Variants in PRR7 observed in about 807,000 individuals in gnomAD.
PRR7 encodes the protein proline rich 7, synaptic.
A neutral mutation model predicts 18.5 loss-of-function variants in PRR7; 8 were observed. The ratio of observed to expected loss-of-function variants is 0.43; its 90% CI spans 0.25 to 0.78. The LOEUF (loss-of-function observed/expected upper bound fraction) is 0.78, where lower values mean the gene tolerates loss of function less well. PRR7 is among the 30% of genes least tolerant of loss of function. The probability of loss-of-function intolerance (pLI) is 0.22; values close to 1 mark genes in which losing one functional copy is unlikely to be tolerated. For synonymous variants in PRR7, 221 were observed against 187.7 expected (o/e 1.18, Z -1.45); for missense variants, 396 against 403.1 (o/e 0.98, Z 0.15).
chr5:177,455,524 C>A lies in PRR7; in HGVS notation c.427+30C>A, dbSNP rs770836625. On this transcript the variant is annotated intron_variant, in intron 3 of 3. Coordinates refer to ENST00000323249, the MANE Select transcript of PRR7 (RefSeq NM_030567.5). This position sits in a 1 kb window ranked among gnomAD's most constrained non-coding sequence, Gnocchi z 6.9. Reference sequence around the variant, plus strand: ...GTACCGACCTCCGCCAGGGGGCGATCCGGGCCGCCGGAAGTGGGCGGGCGT... The same window carrying A: ...GTACCGACCTCCGCCAGGGGGCGATACGGGCCGCCGGAAGTGGGCGGGCGT... The A allele has an allele frequency of 9.7e-6, 14 of 1,450,196 alleles. No homozygotes were observed. The highest frequency in any genetic ancestry group is 1.3e-5 in the Non-Finnish European group (14 of 1,112,192). 89.8% of individuals were successfully genotyped at this position (1,450,196 alleles called of 1,614,324 possible).
At chr5:177,451,169 G>A (rs910959323) in intron 1 of PRR7, among the ~76,000 whole-genome samples, 1 of 152,240 alleles carries the variant, frequency 6.6e-6, no homozygotes, top group African/African-American at 2.4e-5. Flanking sequence ...GCAGATCTTT[G>A]GTGCTTTGGC....
chr5:177,450,312 C>A lies in PRR7; in HGVS notation c.-325+3352C>A, dbSNP rs770904438. 6.6e-6 allele frequency among the ~76,000 whole-genome samples: 1 copy of A among 152,186 alleles called. No individual in the cohort carries two copies. Among genetic ancestry groups the A allele is most frequent in the South Asian group, 2.1e-4 (1 of 4,828 alleles). On this transcript the variant is annotated intron_variant, in intron 1 of 3. Coordinates refer to ENST00000323249, the MANE Select transcript of PRR7 (RefSeq NM_030567.5). The surrounding 1 kb of genome is among the most constrained non-coding windows in gnomAD (Gnocchi z 6.6). The stretch of plus-strand genomic sequence containing the variant: ...CCTGCTGCCCGGGATTTTCCATCCC[C>A]ACCCCCCAGAGCCCTGGTGTGTGCC...
rs1756392012 is a variant in PRR7 at position 177,455,663 on chromosome 5, G to A, written c.428-61G>A. ...GGGGCGCGGGCGGCCCCTGGCCGGG[G>A]CCTCTGCGAGAGGCTGGGAACCGGC... is the stretch of plus-strand genomic sequence containing the variant. On this transcript the variant is annotated intron_variant, in intron 3 of 3. Coordinates refer to ENST00000323249, the MANE Select transcript of PRR7 (RefSeq NM_030567.5). This position sits in a 1 kb window ranked among gnomAD's most constrained non-coding sequence, Gnocchi z 6.9. 25 of 1,461,574 alleles carry A rather than the reference G, an allele frequency of 1.7e-5. No individual in the cohort carries two copies. Among genetic ancestry groups the A allele is most frequent in the East Asian group, 2.6e-5 (1 of 39,040 alleles). 90.5% of individuals were successfully genotyped at this position (1,461,574 alleles called of 1,614,324 possible).
Position 177,455,171 on chromosome 5 carries a change from G to A in PRR7, c.104G>A (p.Arg35His), listed in dbSNP as rs1756348773. Residue 35 changes from arginine to histidine, a missense_variant, in exon 3 of 4, where the codon CGC becomes CAC. Physicochemically the swap from Arg to His is conservative, Grantham distance 29 (BLOSUM62 0). Coordinates refer to ENST00000323249, the MANE Select transcript of PRR7 (RefSeq NM_030567.5). This position sits in a 1 kb window ranked among gnomAD's most constrained non-coding sequence, Gnocchi z 6.9. Reference protein sequence around the residue: ...VLLCCFCSFLRRRLKRRQEER... With the variant: ...VLLCCFCSFLHRRLKRRQEER... ...CTCTGCTGCTTCTGCAGCTTCCTGCGCCGCCGCCTCAAACGGCGCCAGGAG... is the reference window on the plus strand; with the variant it reads ...CTCTGCTGCTTCTGCAGCTTCCTGCACCGCCGCCTCAAACGGCGCCAGGAG... 2 of 1,574,778 alleles carry A rather than the reference G, an allele frequency of 1.3e-6. No homozygotes were observed. Among genetic ancestry groups the A allele is most frequent in the South Asian group, 2.3e-5 (2 of 87,200 alleles).
intron 1 of PRR7, among the ~76,000 whole-genome samples, chr5:177,451,184 A>G (rs1438124812): frequency 1.3e-5 from 2 of 152,244 alleles, no homozygotes; most frequent in African/African-American, 2.4e-5. Flanking sequence ...TTTGGCCTGT[A>G]AGGCTGAAGT....
At position 177,455,992 on chromosome 5, in the gene PRR7, G is replaced by T; in HGVS notation, c.696G>T (p.Gln232His). ...CGCCCTGCCCAGCCCTCTGCCTGCA[G>T]GCCGACCGTGGCCGCCGGGTCTTCC... ...PAPPCPALCL[Q>H]ADRGRRVFPS... Residue 232 changes from glutamine to histidine, a missense_variant, in exon 4 of 4, where the codon CAG (glutamine) becomes CAT (histidine). By Grantham distance (24) the Gln-to-His change is conservative. Coordinates refer to ENST00000323249, the MANE Select transcript of PRR7 (RefSeq NM_030567.5). This position sits in a 1 kb window ranked among gnomAD's most constrained non-coding sequence, Gnocchi z 6.9. 1 of 1,582,358 alleles carries T rather than the reference G, an allele frequency of 6.3e-7. No individual in the cohort carries two copies.
chr5:177,455,765 G>A lies in PRR7; in HGVS notation c.469G>A (p.Val157Met). 3.1e-6 allele frequency: 5 copies of A among 1,609,468 alleles called. No individual in the cohort carries two copies. Among genetic ancestry groups the A allele is most frequent in the Non-Finnish European group, 3.4e-6 (4 of 1,178,426 alleles). Residue 157 changes from valine (V) to methionine (M), a missense_variant, in exon 4 of 4, where the codon GTG (valine) becomes ATG (methionine). Physicochemically the swap from Val to Met is conservative, Grantham distance 21. Coordinates refer to ENST00000323249, the MANE Select transcript of PRR7 (RefSeq NM_030567.5). This position sits in a 1 kb window ranked among gnomAD's most constrained non-coding sequence, Gnocchi z 6.9. ...CAAACCACCGTGTTACGAAGAGGCG[G>A]TGCTGATGGCAGAGCCGCCGCCGCC... Reference protein sequence around the residue: ...MSKPPCYEEAVLMAEPPPPYS... With the variant: ...MSKPPCYEEAMLMAEPPPPYS...
Position 177,450,635 on chromosome 5 carries a change from G to A in PRR7, c.-324-3321G>A, listed in dbSNP as rs572383853. Among the ~76,000 whole-genome samples, 4 of 152,188 alleles carry A rather than the reference G, an allele frequency of 2.6e-5. No individual in the cohort carries two copies. Among genetic ancestry groups the A allele is most frequent in the African/African-American group, 9.7e-5 (4 of 41,422 alleles). ...GATGGTGCTCGGCCCTGGCCACCCC[G>A]GAACATCCTGGCATCATTGGGCTTC... On this transcript the variant is annotated intron_variant, in intron 1 of 3. Coordinates refer to ENST00000323249, the MANE Select transcript of PRR7 (RefSeq NM_030567.5). The surrounding 1 kb of genome is among the most constrained non-coding windows in gnomAD (Gnocchi z 6.6).
Position 177,454,952 on chromosome 5 carries a change from C to T in PRR7, c.-116C>T. ...GAGACCTGCCACGGGCAGCCCCCGG[C>T]CGCGGGTCCCCGAGTGACGCTGGCG... is the stretch of plus-strand genomic sequence containing the variant. On this transcript the variant is annotated 5_prime_UTR_variant, in exon 3 of 4. Coordinates refer to ENST00000323249, the MANE Select transcript of PRR7 (RefSeq NM_030567.5). This position sits in a 1 kb window ranked among gnomAD's most constrained non-coding sequence, Gnocchi z 4.7. 1 of 1,300,802 alleles carries T rather than the reference C, an allele frequency of 7.7e-7. No homozygotes were observed. The highest frequency in any genetic ancestry group is 9.8e-7 in the Non-Finnish European group (1 of 1,021,508). 80.6% of individuals were successfully genotyped at this position (1,300,802 alleles called of 1,614,324 possible).
rs1245509537 is a variant in PRR7 at position 177,455,352 on chromosome 5, C to A, written c.285C>A (p.His95Gln). ...EAPAHAHSHP[H>Q]VHVHPLLHHG... ...CGGCTCACGCGCACTCGCATCCGCA[C>A]GTGCACGTGCACCCGCTGCTGCACC... Residue 95 changes from histidine (H) to glutamine (Q), a missense_variant, in exon 3 of 4, where the codon CAC becomes CAA. His to Gln is a conservative substitution (Grantham distance 24). Coordinates refer to ENST00000323249, the MANE Select transcript of PRR7 (RefSeq NM_030567.5). The surrounding 1 kb of genome is among the most constrained non-coding windows in gnomAD (Gnocchi z 6.9). 1 of 1,493,074 alleles carries A rather than the reference C, an allele frequency of 6.7e-7. No individual in the cohort carries two copies. Among genetic ancestry groups the A allele is most frequent in the Non-Finnish European group, 8.9e-7 (1 of 1,129,336 alleles). The allele number at this position is 1,493,074 out of a possible 1,614,324, so 92.5% of individuals were successfully genotyped here.
At chr5:177,451,117 G>T (rs539406630) in intron 1 of PRR7, among the ~76,000 whole-genome samples, 15 of 152,328 alleles carry the variant, frequency 9.8e-5, no homozygotes, top group Admixed American at 9.8e-4. Flanking sequence ...TGCGGCGGAC[G>T]GAAGGAATGG....
rs1756100247 is a variant in PRR7, at chr5:177,449,819, G to A, written c.-325+2859G>A. ...GTTAGGTCATCTACCTGCAAGCAAG[G>A]GTGCTTGCCACTCAGTACCCTGGCC... On this transcript the variant is annotated intron_variant, in intron 1 of 3. Transcript: ENST00000323249. The surrounding 1 kb of genome is among the most constrained non-coding windows in gnomAD (Gnocchi z 4.2). Among the ~76,000 whole-genome samples the A allele has an allele frequency of 6.6e-6, 1 of 152,110 alleles. No individual in the cohort carries two copies. The highest frequency in any genetic ancestry group is 2.4e-5 in the African/African-American group (1 of 41,396).
upstream of PRR7, chr5:177,446,243 G>A (rs930241870): frequency 1.3e-5 from 2 of 152,316 alleles, no homozygotes; most frequent in Admixed American, 6.5e-5. This position sits in a 1 kb window ranked among gnomAD's most constrained non-coding sequence, Gnocchi z 5.3. Context: ...GCTGGGGTAG[G>A]GGGGAGGCAT....
Position 177,450,426 on chromosome 5 carries a change from G to T in PRR7, c.-325+3466G>T, listed in dbSNP as rs1336678569. On this transcript the variant is annotated intron_variant, in intron 1 of 3. Transcript: ENST00000323249. The surrounding 1 kb of genome is among the most constrained non-coding windows in gnomAD (Gnocchi z 6.6). ...CCTGCCAGGCGGGGGCTGGGTGATG[G>T]CTCTTCTCTGAGTGACGTTTTGGTG... Among the ~76,000 whole-genome samples, 1 of 152,186 alleles carries T rather than the reference G, an allele frequency of 6.6e-6. No homozygotes were observed. The highest frequency in any genetic ancestry group is 6.5e-5 in the Admixed American group (1 of 15,280).
At chr5:177,447,053 C>G (rs1403640413) in intron 1 of PRR7, 93 bp downstream of exon 1, 1 of 151,846 alleles carries the variant, frequency 6.6e-6, no homozygotes, top group Non-Finnish European at 1.5e-5. Context: ...CGGCTCAGCG[C>G]CCTGGCCCCG....
At chr5:177,447,454 T>TG (rs2127385899) in intron 1 of PRR7, among the ~76,000 whole-genome samples, 1 of 152,202 alleles carries the variant, frequency 6.6e-6, no homozygotes, top group Non-Finnish European at 1.5e-5. Context: ...GCAGGGCTCC[T>TG]GGGGTGGCTG....
chr5:177,455,686 G>A lies in PRR7; in HGVS notation c.428-38G>A. 1 of 1,512,634 alleles carries A rather than the reference G, an allele frequency of 6.6e-7. No homozygotes were observed. The allele number at this position is 1,512,634 out of a possible 1,614,324, so 93.7% of individuals were successfully genotyped here. On this transcript the variant is annotated intron_variant, in intron 3 of 3. Transcript: ENST00000323249. This position sits in a 1 kb window ranked among gnomAD's most constrained non-coding sequence, Gnocchi z 6.9. The stretch of plus-strand genomic sequence containing the variant: ...GGGCCTCTGCGAGAGGCTGGGAACC[G>A]GCGGCCTCACCTCCTCCGACCGCCT...
chr5:177,446,058 T>C (rs2127385070), upstream of PRR7: 1 of 148,466 alleles, frequency 6.7e-6, no homozygotes, highest in Middle Eastern at 3.9e-3. This position sits in a 1 kb window ranked among gnomAD's most constrained non-coding sequence, Gnocchi z 5.3. Flanking sequence ...CCCCAAATGT[T>C]CCAGCTAATA....
At chr5:177,448,547 T>C (rs1025176623) in intron 1 of PRR7, 1 of 152,260 alleles carries the variant, frequency 6.6e-6, no homozygotes, top group African/African-American at 2.4e-5. Flanking sequence ...AAAGCTCCTC[T>C]CTGCCTGCTA....
Sources: allele counts gnomAD v4.1 joint callset (sites outside exome capture counted in the v4.1 genomes callset), GRCh38; gene constraint gnomAD v4.1.1; non-coding constraint Gnocchi (gnomAD v3.1); transcripts MANE v1.5; gene names NCBI Gene and HGNC (gene_info 2026-07-23, HGNC 2026-07-21).